Variants in TPO observed in about 807,000 individuals in gnomAD.
TPO encodes thyroid peroxidase, also known as thyroid microsomal antigen.
In TPO, 78 loss-of-function variants were observed where a neutral mutation model predicts 96.9. That is an observed-to-expected ratio of 0.81 (90% CI 0.67 to 0.97). TPO has a LOEUF of 0.97. TPO is among the 50% of genes least tolerant of loss of function. The pLI is 0.00. For synonymous variants in TPO, 547 were observed against 538.0 expected (o/e 1.02, Z -0.23); for missense variants, 1,252 against 1,274.8 (o/e 0.98, Z 0.27).
At chr2:1,375,336 C>T (rs571388838) in intron 1 of TPO, among the ~76,000 whole-genome samples, 1 of 151,928 alleles carries the variant, frequency 6.6e-6, no homozygotes. Flanking sequence ...AAAAAGTGAC[C>T]GAAGCAGATC....
At chr2:1,415,509 A>G (rs894946556) in intron 2 of TPO, among the ~76,000 whole-genome samples, 4 of 147,764 alleles carry the variant, frequency 2.7e-5, no homozygotes, top group African/African-American at 7.6e-5. Flanking sequence ...GCCTCTGCAC[A>G]TAGTCCCGGG....
chr2:1,524,309 G>A (rs753866964), intron 15 of TPO, among the ~76,000 whole-genome samples: 3 of 128,558 alleles, frequency 2.3e-5, no homozygotes, highest in Non-Finnish European at 3.2e-5. Flanking sequence ...CCCACACTGT[G>A]TGCAACCACC....
rs775587978 is a variant in TPO, at chr2:1,540,807, T to A, written c.2748+84T>A. On this transcript the variant is annotated intron_variant, in intron 16 of 16. Coordinates refer to ENST00000329066, the MANE Select transcript of TPO (RefSeq NM_001206744.2). The stretch of plus-strand genomic sequence containing the variant: ...GGTGTCGGAGCAGCTCTGCTGGGGC[T>A]CCCTGCATATTTCTGTTTACTCCGT... 9.3e-6 allele frequency: 15 copies of A among 1,608,380 alleles called. No homozygotes were observed. The East Asian group carries it at 3.4e-4, about 36-fold the overall frequency.
intron 15 of TPO, among the ~76,000 whole-genome samples, chr2:1,537,570 T>TAA: frequency 1.5e-5 from 1 of 64,532 alleles, no homozygotes; most frequent in Non-Finnish European, 2.8e-5. Context: ...CCCCCAACTG[T>TAA]GTTCAACACC....
chr2:1,474,533 C>A (rs540187986), intron 7 of TPO, among the ~76,000 whole-genome samples: 1 of 152,140 alleles, frequency 6.6e-6, no homozygotes, highest in Non-Finnish European at 1.5e-5. Flanking sequence ...CCTATCCTTT[C>A]GAGATTTGAT....
intron 14 of TPO, among the ~76,000 whole-genome samples, chr2:1,508,346 C>A (rs1442395199): frequency 6.6e-6 from 1 of 152,074 alleles, no homozygotes; most frequent in Non-Finnish European, 1.5e-5. Context: ...CTAAAATTCT[C>A]TTTTTTGGTT....
intron 1 of TPO, among the ~76,000 whole-genome samples, chr2:1,399,205 C>T (rs568503997): frequency 1.3e-4 from 20 of 152,312 alleles, no homozygotes; most frequent in African/African-American, 4.8e-4. Flanking sequence ...AATGTCCAGC[C>T]CCCCCGAGGG....
intron 15 of TPO, among the ~76,000 whole-genome samples, chr2:1,539,028 A>T (rs897089244): frequency 1.3e-5 from 2 of 152,106 alleles, no homozygotes; most frequent in Admixed American, 6.5e-5. Flanking sequence ...GTCCTGCTGG[A>T]TTCCAGGTTC....
At chr2:1,506,034 C>T (rs1673422646) in intron 14 of TPO, among the ~76,000 whole-genome samples, 1 of 151,536 alleles carries the variant, frequency 6.6e-6, no homozygotes, top group Admixed American at 6.6e-5. Context: ...TATCCTTCCC[C>T]CCTCCCCCAA....
At chr2:1,424,549 C>G (rs1664123873) in intron 3 of TPO, among the ~76,000 whole-genome samples, 1 of 152,082 alleles carries the variant, frequency 6.6e-6, no homozygotes, top group African/African-American at 2.4e-5. Context: ...TTAACAGAAC[C>G]CTTTTGAAAT....
intron 7 of TPO, among the ~76,000 whole-genome samples, chr2:1,476,074 G>T (rs1483068074): frequency 6.6e-6 from 1 of 152,368 alleles, no homozygotes; most frequent in South Asian, 2.1e-4. Flanking sequence ...CCCTAATGCA[G>T]CCCAGGTCTT....
intron 15 of TPO, among the ~76,000 whole-genome samples, chr2:1,531,982 G>C (rs1181085863): frequency 1.2e-5 from 1 of 84,100 alleles, no homozygotes; most frequent in Admixed American, 1.5e-4. Context: ...TCCCCACTGT[G>C]TGCAACCTCC....
At chr2:1,415,305 C>A (rs1336045915) in intron 2 of TPO, among the ~76,000 whole-genome samples, 2 of 141,708 alleles carry the variant, frequency 1.4e-5, no homozygotes, top group African/African-American at 5.3e-5. Flanking sequence ...CCTCACTGGG[C>A]AGGTCCCTGG....
intron 1 of TPO, among the ~76,000 whole-genome samples, chr2:1,379,149 A>AT (rs1661767314): frequency 6.6e-6 from 1 of 152,138 alleles, no homozygotes; most frequent in African/African-American, 2.4e-5. Context: ...TACTCAAAAT[A>AT]TAAAAATTAG....
chr2:1,418,933 G>C (rs1414366447), intron 2 of TPO, among the ~76,000 whole-genome samples: 1 of 152,226 alleles, frequency 6.6e-6, no homozygotes, highest in African/African-American at 2.4e-5. Context: ...CAAGCGCTTA[G>C]AATTAGGAGC....
chr2:1,382,165 A>G (rs1661821211), intron 1 of TPO, among the ~76,000 whole-genome samples: 1 of 152,118 alleles, frequency 6.6e-6, no homozygotes, highest in South Asian at 2.1e-4. Context: ...CCCACGTAGA[A>G]CCCGGGAGCG....
At chr2:1,423,262 C>G (rs1009796532) in intron 3 of TPO, 133 bp downstream of exon 3, 7 of 794,132 alleles carry the variant, frequency 8.8e-6, no homozygotes, top group Non-Finnish European at 1.3e-5. Context: ...ATTTACTTCC[C>G]CAGTGTCATG....
At chr2:1,385,639 G>T (rs1661880903) in intron 1 of TPO, among the ~76,000 whole-genome samples, 2 of 149,680 alleles carry the variant, frequency 1.3e-5, no homozygotes, top group South Asian at 4.3e-4. Context: ...TATCAATTTT[G>T]TTGATCTTTT....
intron 5 of TPO, among the ~76,000 whole-genome samples, chr2:1,445,205 G>A (rs1666654264): frequency 7.9e-6 from 1 of 126,186 alleles, no homozygotes; most frequent in Admixed American, 8.2e-5. Flanking sequence ...TCCAGTCACT[G>A]CTGCAGGAGT....
Sources: gnomAD v4.1 joint callset for allele counts (sites outside exome capture counted in the v4.1 genomes callset) on GRCh38, gnomAD v4.1.1 for gene constraint, MANE v1.5 for transcripts, NCBI Gene and HGNC (gene_info 2026-07-23, HGNC 2026-07-21) for gene names.